Variants in TTN observed in about 807,000 individuals in gnomAD.
The protein encoded by TTN is connectin.
In TTN, 1,525 loss-of-function variants were observed where a neutral mutation model predicts 3,223.0. The ratio of observed to expected loss-of-function variants is 0.47; its 90% confidence interval spans 0.45 to 0.49. The LOEUF is 0.49. Ranked by LOEUF, TTN falls within the 20% of genes least tolerant of loss-of-function variation. The probability of loss-of-function intolerance (pLI) is 0.00; values close to 1 mark genes in which losing one functional copy is unlikely to be tolerated. For missense variants in TTN, 40,786 were observed against 43,424.0 expected, an observed-to-expected ratio of 0.94 and a Z score of 5.40; for synonymous variants, 14,094 against 15,161.0, an observed-to-expected ratio of 0.93 and a Z score of 5.17.
At position 178,767,667 on chromosome 2, in the gene TTN, G is replaced by T. The variant is rs1455458413; in HGVS notation, c.9471+92C>A. ...TGATTTAATTCTTTAAAGGATGGTGGTTAGAAAATGTAAAAGGGAAACATT... is the reference window on the plus strand; with the variant it reads ...TGATTTAATTCTTTAAAGGATGGTGTTTAGAAAATGTAAAAGGGAAACATT... On this transcript the variant is annotated intron_variant, in intron 40 of 362. Transcript: ENST00000589042. The T allele has an allele frequency of 3.9e-6, 6 of 1,547,404 alleles. No individual in the cohort carries two copies. In the East Asian group the frequency reaches 6.7e-5, roughly 17 times the overall value.
chr2:178,741,115 A>T lies in TTN; in HGVS notation c.12118T>A (p.Cys4040Ser). Reference sequence around the variant, plus strand: ...GCCTCTGGTGTGGACTTTGCTTTGCAGGGGGTATCAGTCATGTCTGTGTCT... The same window carrying T: ...GCCTCTGGTGTGGACTTTGCTTTGCTGGGGGTATCAGTCATGTCTGTGTCT... ...LEDTDMTDTPCKAKSTPEAPE... is the reference protein window; with the variant it reads ...LEDTDMTDTPSKAKSTPEAPE... The change falls in exon 48 of 363, where the codon TGC (cysteine) becomes AGC (serine). Residue 4040 changes from cysteine (C) to serine (S), a missense_variant. Physicochemically the swap from Cys to Ser is moderately radical, Grantham distance 112. Coordinates refer to ENST00000589042, the MANE Select transcript of TTN (RefSeq NM_001267550.2). 1.2e-6 allele frequency: 2 copies of T among 1,613,732 alleles called. No homozygotes were observed. Among genetic ancestry groups the T allele is most frequent in the Non-Finnish European group, 1.7e-6 (2 of 1,179,814 alleles).
rs375139958 is a variant in TTN at position 178,593,623 on chromosome 2, C to T, written c.58677G>A (p.Leu19559=). The change falls in exon 298 of 363, where the codon CTG becomes CTA. Residue 19559 remains leucine, a synonymous_variant. Transcript: ENST00000589042. ...DYIFRIHAEN[L]YGISDPLVSD... ...ACACCAGAGGATCACTTATTCCATA[C>T]AGATTTTCAGCATGTATCCGGAAAA... 3 of 1,612,806 alleles carry T rather than the reference C, an allele frequency of 1.9e-6. No individual in the cohort carries two copies. Among genetic ancestry groups the T allele is most frequent in the Admixed American group, 1.7e-5 (1 of 59,888 alleles).
At chr2:178,678,267 G>T in intron 144 of TTN, 59 bp from the exon 145 acceptor site, 1 of 1,547,298 alleles carries the variant, frequency 6.5e-7, no homozygotes, top group Non-Finnish European at 8.8e-7. Context: ...TAGAGCAATA[G>T]ATATGAAAAA....
intron 159 of TTN, among the ~76,000 whole-genome samples, chr2:178,668,558 C>T (rs2066374630): frequency 6.6e-6 from 1 of 151,858 alleles, no homozygotes; most frequent in Admixed American, 6.6e-5. Context: ...TGGTAAAACC[C>T]TGTCTCTACT....
Position 178,582,437 on chromosome 2 carries a change from A to C in TTN, c.66019T>G (p.Ser22007Ala). 6.2e-7 allele frequency: 1 copy of C among 1,612,976 alleles called. No individual in the cohort carries two copies. The highest frequency in any genetic ancestry group is 8.5e-7 in the Non-Finnish European group (1 of 1,179,398). ...ETSRPNWAQV[S>A]ATVPITSCSV... ...CAGCTGGTGATAGGCACAGTTGCAG[A>C]GACTTGAGCCCAGTTGGGCCTGCTT... The change falls in exon 314 of 363, where the codon TCT becomes GCT. Residue 22007 changes from serine (S) to alanine (A), a missense_variant. Physicochemically the swap from Ser to Ala is moderately conservative, Grantham distance 99 (BLOSUM62 1). Coordinates refer to ENST00000589042, the MANE Select transcript of TTN (RefSeq NM_001267550.2).
At chr2:178,622,189 T>G (rs1027638108) in intron 243 of TTN, among the ~76,000 whole-genome samples, 181 bp from the exon 244 acceptor site, 5 of 151,876 alleles carry the variant, frequency 3.3e-5, no homozygotes, top group African/African-American at 1.2e-4. Flanking sequence ...ATCTTACCAA[T>G]TACTGTTAAG....
At position 178,568,122 on chromosome 2, in the gene TTN, T is replaced by C. The variant is rs770885887; in HGVS notation, c.78010A>G (p.Lys26004Glu). The C allele has an allele frequency of 6.2e-7, 1 of 1,613,448 alleles. No homozygotes were observed. The highest frequency in any genetic ancestry group is 8.5e-7 in the Non-Finnish European group (1 of 1,179,598). Residue 26004 changes from lysine (K) to glutamate (E), a missense_variant, in exon 326 of 363, where the codon AAA becomes GAA. Transcript: ENST00000589042. The part of the protein sequence containing the change: ...PGTPFATAIS[K>E]DSMVIQWHEP... ...TGCCACTGTATGACCATGGAGTCTT[T>C]GGAAATGGCTGTGGCAAATGGTGTA...
chr2:178,679,704 T>C lies in TTN; in HGVS notation c.33581-22A>G, dbSNP rs377041673. 1.4e-5 allele frequency: 23 copies of C among 1,588,878 alleles called. No individual in the cohort carries two copies. The African/African-American group carries it at 1.5e-4, about 10-fold the overall frequency. On this transcript the variant is annotated intron_variant, in intron 140 of 362. Transcript: ENST00000589042. ...GGCACTTTAAAGATATTATTAAGAA[T>C]GTTGGAAATTTTGCAGGAAAGAAAT...
Position 178,707,031 on chromosome 2 carries a change from C to A in TTN, c.29042-77G>T, listed in dbSNP as rs947154531. ...ACATATCCCCCTTTGTAAAATAAGC[C>A]TTAGGAGGTTGGCAGTTTGATAAGT... is the stretch of plus-strand genomic sequence containing the variant. On this transcript the variant is annotated intron_variant, in intron 100 of 362. Coordinates refer to ENST00000589042, the MANE Select transcript of TTN (RefSeq NM_001267550.2). 45 of 1,326,508 alleles carry A rather than the reference C, an allele frequency of 3.4e-5. 1 individual carries two copies. In the South Asian group the frequency reaches 6.5e-4, roughly 19 times the overall value. The allele number at this position is 1,326,508 out of a possible 1,614,324, so 82.2% of individuals were successfully genotyped here.
At position 178,652,285 on chromosome 2, in the gene TTN, G is replaced by C; in HGVS notation, c.39190C>G (p.Pro13064Ala). The C allele has an allele frequency of 1.2e-6, 2 of 1,613,626 alleles. No homozygotes were observed. The highest frequency in any genetic ancestry group is 2.2e-5 in the East Asian group (1 of 44,868). The change falls in exon 203 of 363, where the codon CCT (proline) becomes GCT (alanine). Residue 13064 changes from proline (P) to alanine (A), a missense_variant. By Grantham distance (27) the Pro-to-Ala change is conservative. Coordinates refer to ENST00000589042, the MANE Select transcript of TTN (RefSeq NM_001267550.2). ...CTACCTTTTGTGGGTGGCACTTCAG[G>C]CTTTTTAGGAGGAGGCACTGGCACT... ...KKVPVPPPKK[P>A]EVPPTKVPEV...
chr2:178,615,912 T>C (rs1184854804), intron 257 of TTN, 124 bp from the exon 258 acceptor site: 14 of 1,117,516 alleles, frequency 1.3e-5, no homozygotes, highest in Non-Finnish European at 1.6e-5. Context: ...TATTCTTACA[T>C]TAATTTCATA....
At position 178,537,858 on chromosome 2, in the gene TTN, C is replaced by T; in HGVS notation, c.99349G>A (p.Ala33117Thr). ...MKDVTTKLGEAAQLSCQIVGR... is the reference protein window; with the variant it reads ...MKDVTTKLGETAQLSCQIVGR... Reference sequence around the variant, plus strand: ...ACAATCTGGCATGAGAGTTGAGCAGCTTCACCCAATTTTGTGGTAACATCC... The same window carrying T: ...ACAATCTGGCATGAGAGTTGAGCAGTTTCACCCAATTTTGTGGTAACATCC... The change falls in exon 355 of 363, where the codon GCT (alanine) becomes ACT (threonine). Residue 33117 changes from alanine (A) to threonine (T), a missense_variant. Coordinates refer to ENST00000589042, the MANE Select transcript of TTN (RefSeq NM_001267550.2). The T allele has an allele frequency of 6.2e-7, 1 of 1,613,492 alleles. No homozygotes were observed. The highest frequency in any genetic ancestry group is 1.1e-5 in the South Asian group (1 of 91,050).
Position 178,685,358 on chromosome 2 carries a change from A to G in TTN, c.32393-28T>C, listed in dbSNP as rs768250521. The stretch of plus-strand genomic sequence containing the variant: ...TGAAAAGATTATAAAATATGTTTGT[A>G]GAAATGTCTAGATTTCTTTTCGATA... On this transcript the variant is annotated intron_variant, in intron 128 of 362. Transcript: ENST00000589042. The G allele has an allele frequency of 3.3e-6, 5 of 1,531,042 alleles. No homozygotes were observed. The South Asian group carries it at 6.2e-5, about 19-fold the overall frequency. 94.8% of individuals were successfully genotyped at this position (1,531,042 alleles called of 1,614,324 possible).
chr2:178,783,210 A>G, intron 17 of TTN, 146 bp from the exon 18 acceptor site: 1 of 762,752 alleles, frequency 1.3e-6, no homozygotes, highest in Non-Finnish European at 2.1e-6. Flanking sequence ...AGTAGTAGAG[A>G]AACTAATATT....
At chr2:178,725,016 C>G (rs952319929) in intron 71 of TTN, 3 of 232,536 alleles carry the variant, frequency 1.3e-5, no homozygotes, top group African/African-American at 6.7e-5. Flanking sequence ...TATGTGGAAG[C>G]TTTGCTATCA....
At position 178,740,524 on chromosome 2, in the gene TTN, T is replaced by C. The variant is rs1238399112; in HGVS notation, c.12709A>G (p.Lys4237Glu). The change falls in exon 48 of 363, where the codon AAA (lysine) becomes GAA (glutamate). Residue 4237 changes from lysine (K) to glutamate (E), a missense_variant. Lys to Glu is a moderately conservative substitution (Grantham distance 56, BLOSUM62 1). Coordinates refer to ENST00000589042, the MANE Select transcript of TTN (RefSeq NM_001267550.2). The part of the protein sequence containing the change: ...TSVAEEVLSP[K>E]EKTVSDTNRE... ...TTGGTGTCAGATACTGTCTTTTCTT[T>C]TGGTGAAAGTACTTCCTCAGCCACA... 1 of 1,613,670 alleles carries C rather than the reference T, an allele frequency of 6.2e-7. No individual in the cohort carries two copies. The highest frequency in any genetic ancestry group is 1.3e-5 in the African/African-American group (1 of 74,914).
intron 50 of TTN, 61 bp downstream of exon 50, chr2:178,735,450 T>A: frequency 6.9e-7 from 1 of 1,443,092 alleles, no homozygotes; most frequent in Admixed American, 2.7e-5. Context: ...TTGCCAACAG[T>A]TTTTCTACTG....
rs1575166864 is a variant in TTN at position 178,526,853 on chromosome 2, A to G, written c.*159T>C. On this transcript the variant is annotated 3_prime_UTR_variant, in exon 363 of 363. Coordinates refer to ENST00000589042, the MANE Select transcript of TTN (RefSeq NM_001267550.2). ...GTATTATATTCTTAGGTCAACAATT[A>G]TGAAAAGATTGAAATGAATATTTTT... is the stretch of plus-strand genomic sequence containing the variant. 1.6e-6 allele frequency: 1 copy of G among 630,940 alleles called. No individual in the cohort carries two copies. 39.1% of individuals were successfully genotyped at this position (630,940 alleles called of 1,614,324 possible). A position where few individuals can be genotyped will look rare whatever the true frequency, so the allele number is the denominator to read the frequency against.
In TTN at chr2:178,715,019, T is replaced by G; in HGVS notation, c.26167A>C (p.Ser8723Arg). The G allele has an allele frequency of 6.2e-7, 1 of 1,612,800 alleles. No homozygotes were observed. The highest frequency in any genetic ancestry group is 8.5e-7 in the Non-Finnish European group (1 of 1,179,056). ...GCGATGGAACCAACGCAAGTGTCGC[T>G]TCCCACATCATTTGTGGCTTTACAC... Reference protein sequence around the residue: ...YQCKATNDVGSDTCVGSIALK... With the variant: ...YQCKATNDVGRDTCVGSIALK... Residue 8723 changes from serine (S) to arginine (R), a missense_variant, in exon 90 of 363, where the codon AGC (serine) becomes CGC (arginine). Physicochemically the swap from Ser to Arg is moderately radical, Grantham distance 110. Transcript: ENST00000589042.
Sources: allele counts gnomAD v4.1 joint callset (sites outside exome capture counted in the v4.1 genomes callset), GRCh38; gene constraint gnomAD v4.1.1; transcripts MANE v1.5; gene names NCBI Gene and HGNC (gene_info 2026-07-23, HGNC 2026-07-21).